CCDC91: variants seen among roughly 807,000 people sequenced by gnomAD.
CCDC91 encodes coiled-coil domain containing 91.
In CCDC91, 48 loss-of-function variants were observed where a neutral mutation model predicts 63.2. The ratio of observed to expected loss-of-function variants is 0.76; its 90% confidence interval spans 0.60 to 0.97. The LOEUF is 0.97. Ranked by LOEUF, CCDC91 falls within the 50% of genes least tolerant of loss-of-function variation. The pLI, the probability that CCDC91 is intolerant of heterozygous loss-of-function variation, is 0.00. For synonymous variants in CCDC91, 167 were observed against 165.8 expected (o/e 1.01, Z -0.06); for missense variants, 500 against 494.6 (o/e 1.01, Z -0.10).
At chr12:28,199,697 A>T (rs1011649346) in intron 1 of CCDC91, among the ~76,000 whole-genome samples, 5 of 152,180 alleles carry the variant, frequency 3.3e-5, no homozygotes, top group Non-Finnish European at 7.4e-5. Flanking sequence ...ATATTCAAAG[A>T]ATAGTTTTGC....
intron 12 of CCDC91, among the ~76,000 whole-genome samples, chr12:28,522,488 C>A (rs927337134): frequency 1.3e-5 from 2 of 151,900 alleles, no homozygotes; most frequent in Non-Finnish European, 2.9e-5. Flanking sequence ...GTGTTGATAG[C>A]GGTCTATCAA....
intron 6 of CCDC91, among the ~76,000 whole-genome samples, chr12:28,358,898 CT>C (rs916841358): frequency 9.9e-5 from 15 of 151,756 alleles, no homozygotes; most frequent in South Asian, 4.2e-4. Flanking sequence ...CACACCAATA[CT>C]TTTTTTTTCT....
At chr12:28,402,520 A>ATTTTTTTTTTTTT (rs57398967) in intron 8 of CCDC91, among the ~76,000 whole-genome samples, 28 of 51,938 alleles carry the variant, frequency 5.4e-4, no homozygotes, top group African/African-American at 1.9e-3. Context: ...AGTTCCAGGA[A>ATTTTTTTTTTTTT]TTTTTTTTTT....
At chr12:28,519,675 T>A (rs1266023988) in intron 12 of CCDC91, among the ~76,000 whole-genome samples, 1 of 151,174 alleles carries the variant, frequency 6.6e-6, no homozygotes, top group African/African-American at 2.4e-5. Flanking sequence ...ACCCATTAAC[T>A]CATCATTTAC....
At chr12:28,546,629 T>C (rs1226902246) in intron 12 of CCDC91, among the ~76,000 whole-genome samples, 1 of 152,106 alleles carries the variant, frequency 6.6e-6, no homozygotes, top group African/African-American at 2.4e-5. Flanking sequence ...GCCTTAATTA[T>C]AATAGCCAAA....
At chr12:28,527,067 T>G (rs1309512038) in intron 12 of CCDC91, among the ~76,000 whole-genome samples, 1 of 152,188 alleles carries the variant, frequency 6.6e-6, no homozygotes, top group Non-Finnish European at 1.5e-5. Context: ...GGTGCCTCCC[T>G]TATTAGCTTA....
At chr12:28,494,743 T>A (rs942117993) in intron 12 of CCDC91, among the ~76,000 whole-genome samples, 2 of 151,730 alleles carry the variant, frequency 1.3e-5, no homozygotes, top group African/African-American at 4.8e-5. Context: ...CTGTTATAGG[T>A]GTTCTCTGTG....
intron 8 of CCDC91, among the ~76,000 whole-genome samples, chr12:28,406,576 CT>C (rs1946959309): frequency 6.6e-6 from 1 of 152,012 alleles, no homozygotes; most frequent in Admixed American, 6.6e-5. Flanking sequence ...TGTGGCTTGT[CT>C]TTTTATTTTC....
At chr12:28,308,264 G>T (rs1938953765) in intron 6 of CCDC91, among the ~76,000 whole-genome samples, 1 of 151,818 alleles carries the variant, frequency 6.6e-6, no homozygotes. Context: ...GGATTTGTTG[G>T]CTGTACCTTC....
chr12:28,319,378 G>A (rs1940244463), intron 6 of CCDC91: 1 of 151,912 alleles, frequency 6.6e-6, no homozygotes, highest in African/African-American at 2.4e-5. Flanking sequence ...TCTGCATAAA[G>A]TCTTTTAAGC....
chr12:28,526,323 T>C (rs1202054659), intron 12 of CCDC91, among the ~76,000 whole-genome samples: 1 of 152,174 alleles, frequency 6.6e-6, no homozygotes, highest in Admixed American at 6.5e-5. Flanking sequence ...AGCATATGTT[T>C]GTTTGTCTGA....
chr12:28,231,631 C>G (rs1022432874), intron 1 of CCDC91, among the ~76,000 whole-genome samples: 1 of 152,008 alleles, frequency 6.6e-6, no homozygotes, highest in African/African-American at 2.4e-5. Flanking sequence ...AGATTTTTAA[C>G]TGTACTTAAA....
chr12:28,384,499 G>A (rs1244082338), intron 7 of CCDC91, among the ~76,000 whole-genome samples: 1 of 151,988 alleles, frequency 6.6e-6, no homozygotes, highest in Non-Finnish European at 1.5e-5. Context: ...ATTCTTACAC[G>A]TTGTCCATTA....
chr12:28,331,568 T>TAACAAC (rs900627603), intron 6 of CCDC91, among the ~76,000 whole-genome samples: 1 of 152,214 alleles, frequency 6.6e-6, no homozygotes, highest in African/African-American at 2.4e-5. Flanking sequence ...ACAATAGTCA[T>TAACAAC]AACAAATTAG....
chr12:28,399,663 C>T (rs1353720811), intron 8 of CCDC91, among the ~76,000 whole-genome samples: 3 of 152,210 alleles, frequency 2.0e-5, no homozygotes, highest in Non-Finnish European at 4.4e-5. Flanking sequence ...AATGGAGATA[C>T]AGACATTGGA....
chr12:28,197,399 C>T (rs1158618554), intron 1 of CCDC91, among the ~76,000 whole-genome samples: 1 of 152,074 alleles, frequency 6.6e-6, no homozygotes, highest in East Asian at 1.9e-4. Flanking sequence ...ATGTAATATA[C>T]CACCTGTGCT....
intron 12 of CCDC91, among the ~76,000 whole-genome samples, chr12:28,507,149 G>C (rs1472187505): frequency 1.3e-5 from 2 of 151,918 alleles, no homozygotes; most frequent in Non-Finnish European, 2.9e-5. Flanking sequence ...TTATAGAGAA[G>C]AGATTAAGGG....
intron 12 of CCDC91, among the ~76,000 whole-genome samples, chr12:28,505,082 CA>C (rs1938532819): frequency 6.6e-6 from 1 of 151,864 alleles, no homozygotes; most frequent in African/African-American, 2.4e-5. Context: ...AATAGTTTGC[CA>C]AAATATTTGG....
intron 12 of CCDC91, among the ~76,000 whole-genome samples, chr12:28,531,346 A>C (rs1392991380): frequency 1.3e-5 from 2 of 152,202 alleles, no homozygotes; most frequent in African/African-American, 4.8e-5. Context: ...ACAAATTATC[A>C]AAATTTTTTA....
Sources: gnomAD v4.1 joint callset for allele counts (sites outside exome capture counted in the v4.1 genomes callset) on GRCh38, gnomAD v4.1.1 for gene constraint, MANE v1.5 for transcripts, NCBI Gene and HGNC (gene_info 2026-07-23, HGNC 2026-07-21) for gene names.